Variants in CCSER1 observed in about 807,000 individuals in gnomAD.
CCSER1 encodes serine-rich coiled-coil domain-containing protein 1.
CCSER1 carries 41 observed loss-of-function variants against 82.0 expected under a neutral mutation model. That is an observed-to-expected ratio of 0.50 (90% CI 0.39 to 0.65). CCSER1 has a LOEUF of 0.65. Ranked by LOEUF, CCSER1 falls within the 30% of genes least tolerant of loss-of-function variation. The pLI, the probability that CCSER1 is intolerant of heterozygous loss-of-function variation, is 0.00. For synonymous variants in CCSER1, 414 were observed against 383.9 expected (o/e 1.08, Z -0.92); for missense variants, 1,119 against 1,064.2 (o/e 1.05, Z -0.72).
chr4:91,520,906 C>T (rs1252448361), intron 10 of CCSER1, among the ~76,000 whole-genome samples: 3 of 151,994 alleles, frequency 2.0e-5, no homozygotes, highest in East Asian at 1.9e-4. Context: ...TTTTATTATA[C>T]TTTAAGTTCG....
At chr4:90,989,227 C>T (rs572954403) in intron 9 of CCSER1, among the ~76,000 whole-genome samples, 2 of 151,792 alleles carry the variant, frequency 1.3e-5, no homozygotes, top group African/African-American at 2.4e-5. Flanking sequence ...ATGGAGCCTG[C>T]GTGTTTGGGC....
chr4:91,496,266 G>T (rs1758799646), intron 10 of CCSER1, among the ~76,000 whole-genome samples: 1 of 151,280 alleles, frequency 6.6e-6, no homozygotes, highest in African/African-American at 2.4e-5. Flanking sequence ...GTTGGTCATT[G>T]AGAGCAAAGG....
chr4:91,521,724 G>T (rs1760483113), intron 10 of CCSER1, among the ~76,000 whole-genome samples: 3 of 152,136 alleles, frequency 2.0e-5, no homozygotes, highest in Non-Finnish European at 4.4e-5. Context: ...TTTTGATGGG[G>T]TTGTTTGATA....
chr4:91,449,852 G>A (rs575276978), intron 10 of CCSER1, among the ~76,000 whole-genome samples: 1 of 152,148 alleles, frequency 6.6e-6, no homozygotes, highest in South Asian at 2.1e-4. Context: ...ACTGAATAAA[G>A]CTGAATAAAG....
intron 1 of CCSER1, among the ~76,000 whole-genome samples, chr4:90,136,585 A>G (rs1723743030): frequency 3.3e-5 from 5 of 152,228 alleles, no homozygotes; most frequent in Admixed American, 2.0e-4. Context: ...TGTATTACAA[A>G]CCTACATCAT....
intron 3 of CCSER1, among the ~76,000 whole-genome samples, chr4:90,332,788 G>A (rs1190248236): frequency 6.6e-6 from 1 of 152,048 alleles, no homozygotes; most frequent in Admixed American, 6.5e-5. Context: ...TAAGAAGAAG[G>A]ATATTCTCTT....
intron 10 of CCSER1, among the ~76,000 whole-genome samples, chr4:91,434,281 C>A (rs1754509830): frequency 6.6e-6 from 1 of 151,480 alleles, no homozygotes; most frequent in African/African-American, 2.4e-5. Flanking sequence ...TTAGGAATAT[C>A]TTGTGGAATA....
At chr4:90,331,216 G>A (rs530328422) in intron 3 of CCSER1, among the ~76,000 whole-genome samples, 2 of 150,796 alleles carry the variant, frequency 1.3e-5, no homozygotes, top group African/African-American at 4.9e-5. Context: ...TTTTTAAGAA[G>A]CATGAGTGCA....
chr4:90,396,310 T>A (rs1751949741), intron 3 of CCSER1, among the ~76,000 whole-genome samples: 1 of 152,226 alleles, frequency 6.6e-6, no homozygotes, highest in Admixed American at 6.5e-5. Flanking sequence ...GGATTTCTTT[T>A]TTTACCTGAT....
intron 5 of CCSER1, among the ~76,000 whole-genome samples, chr4:90,481,292 G>A (rs998771004): frequency 6.6e-6 from 1 of 152,118 alleles, no homozygotes; most frequent in Non-Finnish European, 1.5e-5. Context: ...GGGTTTTCTA[G>A]ATATACAATC....
chr4:90,934,505 C>T lies in CCSER1; in HGVS notation c.2172+11058C>T, dbSNP rs539097471. ...CTTTCAAGCTTATAGGCTTAACTTTCAGTAGTCAGGAAACAGGAAGTAGGT... is the reference window on the plus strand; with the variant it reads ...CTTTCAAGCTTATAGGCTTAACTTTTAGTAGTCAGGAAACAGGAAGTAGGT... On this transcript the variant is annotated intron_variant, in intron 9 of 10. Coordinates refer to ENST00000509176, the MANE Select transcript of CCSER1 (RefSeq NM_001145065.2). Among the ~76,000 whole-genome samples the T allele has an allele frequency of 2.0e-5, 3 of 152,268 alleles. No individual in the cohort carries two copies. The East Asian group carries it at 5.8e-4, about 29-fold the overall frequency.
chr4:90,623,168 C>T (rs1245029411), intron 5 of CCSER1, among the ~76,000 whole-genome samples: 1 of 151,606 alleles, frequency 6.6e-6, no homozygotes, highest in East Asian at 1.9e-4. Flanking sequence ...GCTGGGACTA[C>T]AGGCACCCGC....
intron 4 of CCSER1, among the ~76,000 whole-genome samples, chr4:90,443,383 T>A (rs747475332): frequency 6.6e-6 from 1 of 152,110 alleles, no homozygotes; most frequent in Non-Finnish European, 1.5e-5. Context: ...GTAACTAAGA[T>A]GTTTACTAAG....
At chr4:90,699,326 G>A (rs763347052) in intron 6 of CCSER1, among the ~76,000 whole-genome samples, 23 of 152,016 alleles carry the variant, frequency 1.5e-4, no homozygotes, top group Non-Finnish European at 2.2e-4. Flanking sequence ...TTACTCCAGC[G>A]TGGTGGTACA....
At chr4:90,407,968 C>T (rs551233671) in intron 4 of CCSER1, among the ~76,000 whole-genome samples, 30 of 152,300 alleles carry the variant, frequency 2.0e-4, no homozygotes, top group Admixed American at 3.9e-4. Flanking sequence ...GCCTAACAAA[C>T]GGCACACCAG....
chr4:90,909,403 C>A (rs1272450072), intron 8 of CCSER1, among the ~76,000 whole-genome samples: 1 of 152,080 alleles, frequency 6.6e-6, no homozygotes, highest in Non-Finnish European at 1.5e-5. Flanking sequence ...CTTGTACACA[C>A]CCAGCACACA....
At chr4:90,548,557 A>G (rs1777068563) in intron 5 of CCSER1, among the ~76,000 whole-genome samples, 1 of 151,714 alleles carries the variant, frequency 6.6e-6, no homozygotes, top group African/African-American at 2.4e-5. Context: ...GTGCCTAGAA[A>G]CTCTAAGACT....
chr4:90,851,051 C>G (rs1196903937), intron 8 of CCSER1, among the ~76,000 whole-genome samples: 1 of 152,152 alleles, frequency 6.6e-6, no homozygotes, highest in African/African-American at 2.4e-5. Flanking sequence ...AGGGGCTTCC[C>G]CCTTCACTCC....
At chr4:91,160,078 G>T (rs1262981750) in intron 10 of CCSER1, among the ~76,000 whole-genome samples, 1 of 147,998 alleles carries the variant, frequency 6.8e-6, no homozygotes, top group Non-Finnish European at 1.5e-5. Context: ...CCCCATGTGT[G>T]ATGTTTCCAC....
Sources: gnomAD v4.1 joint callset for allele counts (sites outside exome capture counted in the v4.1 genomes callset) on GRCh38, gnomAD v4.1.1 for gene constraint, MANE v1.5 for transcripts, NCBI Gene and HGNC (gene_info 2026-07-23, HGNC 2026-07-21) for gene names.